The following PAX5 variants were observed in gnomAD, a reference collection of about 807,000 sequenced individuals.
PAX5 encodes paired box 5.
A neutral mutation model predicts 43.7 loss-of-function variants in PAX5; 9 were observed. The ratio of observed to expected loss-of-function variants is 0.21; its 90% CI spans 0.12 to 0.36. The LOEUF is 0.36. PAX5 is among the 10% of genes least tolerant of loss of function. PAX5 has a pLI of 1.00. For synonymous variants in PAX5, 228 were observed against 214.3 expected, an observed-to-expected ratio of 1.06 and a Z score of -0.56; for missense variants, 383 against 532.7, an observed-to-expected ratio of 0.72 and a Z score of 2.77.
At chr9:36,999,673 A>T (rs552069129) in intron 5 of PAX5, among the ~76,000 whole-genome samples, 2 of 152,216 alleles carry the variant, frequency 1.3e-5, no homozygotes, top group African/African-American at 4.8e-5. Flanking sequence ...TTACCCCATG[A>T]TTCTTCTCTC....
At chr9:36,989,003 C>A (rs1836702925) in intron 5 of PAX5, among the ~76,000 whole-genome samples, 1 of 152,222 alleles carries the variant, frequency 6.6e-6, no homozygotes, top group African/African-American at 2.4e-5. Context: ...AAACCCCAGT[C>A]TACTCACGGT....
chr9:36,969,306 C>T (rs1834727250), intron 5 of PAX5, among the ~76,000 whole-genome samples: 1 of 152,118 alleles, frequency 6.6e-6, no homozygotes, highest in Non-Finnish European at 1.5e-5. Flanking sequence ...CTCTAGGGGG[C>T]GTCTCTTCAG....
intron 8 of PAX5, among the ~76,000 whole-genome samples, chr9:36,880,597 C>G (rs1421248836): frequency 2.6e-5 from 4 of 152,210 alleles, no homozygotes; most frequent in Admixed American, 6.5e-5. Flanking sequence ...GGGTATCGCT[C>G]TGTCGCCCAG....
rs74365773 is a variant in PAX5 at position 36,950,681 on chromosome 9, T to A, written c.780+15868A>T. ...CGAAGAAGTCTGCTTCTGTTCCTTC[T>A]CCACAGGAGCCCTTTTGAGATCAGA... On this transcript the variant is annotated intron_variant, in intron 6 of 9. Transcript: ENST00000358127. Among the ~76,000 whole-genome samples, 1,353 of 151,960 alleles carry A rather than the reference T, an allele frequency of 8.9e-3. 20 individuals are homozygous for A. Among genetic ancestry groups the A allele is most frequent in the African/African-American group, 0.031 (1,299 of 41,424 alleles).
At chr9:37,033,131 GT>G (rs1439618032) in intron 1 of PAX5, among the ~76,000 whole-genome samples, 1 of 152,240 alleles carries the variant, frequency 6.6e-6, no homozygotes. Flanking sequence ...CATCTGCAAG[GT>G]TGTGCCTGCC....
intron 6 of PAX5, among the ~76,000 whole-genome samples, chr9:36,960,908 C>G (rs973002283): frequency 6.6e-6 from 1 of 152,202 alleles, no homozygotes; most frequent in Non-Finnish European, 1.5e-5. Context: ...GCTATTGCCA[C>G]GGGGCTGCAT....
intron 6 of PAX5, among the ~76,000 whole-genome samples, chr9:36,933,277 C>T (rs1462960486): frequency 3.9e-5 from 6 of 152,174 alleles, no homozygotes; most frequent in African/African-American, 7.2e-5. Context: ...TGTGAAATAA[C>T]GAGAGAACGC....
At chr9:36,874,680 A>T (rs1203011535) in intron 8 of PAX5, among the ~76,000 whole-genome samples, 3 of 152,060 alleles carry the variant, frequency 2.0e-5, no homozygotes, top group Non-Finnish European at 4.4e-5. Flanking sequence ...GTATTCGGAG[A>T]CTGCCTGACT....
chr9:36,971,341 G>T (rs1834913543), intron 5 of PAX5, among the ~76,000 whole-genome samples: 1 of 152,192 alleles, frequency 6.6e-6, no homozygotes, highest in African/African-American at 2.4e-5. Context: ...TATATGCTCA[G>T]AGACAGCTAT....
intron 5 of PAX5, among the ~76,000 whole-genome samples, chr9:36,981,447 A>C (rs539034203): frequency 3.7e-4 from 55 of 148,834 alleles, no homozygotes; most frequent in African/African-American, 1.3e-3. Context: ...AAAAAAAAAA[A>C]CAAAAAACAG....
chr9:36,844,479 T>C (rs764041780), intron 9 of PAX5, among the ~76,000 whole-genome samples: 15 of 152,180 alleles, frequency 9.9e-5, no homozygotes, highest in East Asian at 3.8e-4. Context: ...AGATAGCCCA[T>C]GTAAAAAGGG....
chr9:36,969,612 C>T (rs187981517), intron 5 of PAX5, among the ~76,000 whole-genome samples: 1 of 152,376 alleles, frequency 6.6e-6, no homozygotes, highest in African/African-American at 2.4e-5. Context: ...TCTCTGCAGT[C>T]TCCCCAGAAG....
At chr9:36,961,553 C>T (rs114350357) in intron 6 of PAX5, among the ~76,000 whole-genome samples, 2,448 of 152,312 alleles carry the variant, frequency 0.016, 51 homozygotes, top group African/African-American at 0.056. Flanking sequence ...GAATAATTTA[C>T]TGTGATTGAA....
chr9:37,019,695 C>T (rs530366278), intron 2 of PAX5, among the ~76,000 whole-genome samples: 3 of 152,188 alleles, frequency 2.0e-5, no homozygotes, highest in African/African-American at 7.2e-5. Context: ...GTTTTCTGAC[C>T]CGGGAAAAGA....
intron 6 of PAX5, among the ~76,000 whole-genome samples, chr9:36,963,724 T>C (rs1317373860): frequency 6.6e-6 from 1 of 152,214 alleles, no homozygotes; most frequent in Non-Finnish European, 1.5e-5. Context: ...GTGCAGATTC[T>C]GAGTCTCCAT....
intron 7 of PAX5, among the ~76,000 whole-genome samples, chr9:36,912,671 T>G (rs10814475): frequency 0.3 from 45,308 of 151,846 alleles, 7,761 homozygotes; most frequent in East Asian, 0.62. Context: ...GTGAAGTGAG[T>G]AGTGGGACCA....
intron 4 of PAX5, among the ~76,000 whole-genome samples, chr9:37,004,555 C>G (rs757204065): frequency 1.6e-4 from 25 of 152,252 alleles, no homozygotes; most frequent in Non-Finnish European, 3.1e-4. Context: ...CCATGCCTTT[C>G]TTCTCACATT....
intron 8 of PAX5, among the ~76,000 whole-genome samples, chr9:36,879,930 A>C (rs1259390350): frequency 2.6e-5 from 4 of 152,244 alleles, no homozygotes; most frequent in Non-Finnish European, 5.9e-5. Context: ...TCCTTGCAGC[A>C]GACCAAAGTT....
chr9:36,879,070 C>G (rs1313544282), intron 8 of PAX5, among the ~76,000 whole-genome samples: 1 of 152,212 alleles, frequency 6.6e-6, no homozygotes, highest in Non-Finnish European at 1.5e-5. Flanking sequence ...TGCTTGTTTC[C>G]TCCCTCCACA....
Sources: allele counts gnomAD v4.1 joint callset (sites outside exome capture counted in the v4.1 genomes callset), GRCh38; gene constraint gnomAD v4.1.1; transcripts MANE v1.5; gene names NCBI Gene and HGNC (gene_info 2026-07-23, HGNC 2026-07-21).